The following TUSC3 variants were observed in gnomAD, a reference collection of about 807,000 sequenced individuals.
TUSC3 encodes the protein tumor suppressor candidate 3.
In TUSC3, 45 loss-of-function variants were observed where a neutral mutation model predicts 44.8. That is an observed-to-expected ratio of 1.00 (90% confidence interval 0.79 to 1.29). TUSC3 has a LOEUF of 1.29. Among genes scored for constraint, TUSC3 ranks in the 50% most tolerant of loss-of-function variants. The pLI, the probability that TUSC3 is intolerant of heterozygous loss-of-function variation, is 0.00. For synonymous variants in TUSC3, 212 were observed against 152.9 expected (o/e 1.39, Z -2.85); for missense variants, 519 against 437.9 (o/e 1.19, Z -1.65).
chr8:15,534,205 C>T (rs1585078827), intron 2 of TUSC3, among the ~76,000 whole-genome samples: 1 of 152,002 alleles, frequency 6.6e-6, no homozygotes, highest in Non-Finnish European at 1.5e-5. Context: ...ATGAAAAGAT[C>T]TTAGTTGCAA....
the TUSC3 span, among the ~76,000 whole-genome samples, chr8:15,823,522 T>C: frequency 6.6e-6 from 1 of 152,188 alleles, no homozygotes; most frequent in Non-Finnish European, 1.5e-5. Flanking sequence ...GTCTTATTTA[T>C]TCATTATTGT....
intron 9 of TUSC3, among the ~76,000 whole-genome samples, chr8:15,754,738 T>C (rs1366794973): frequency 1.3e-5 from 2 of 152,108 alleles, no homozygotes; most frequent in East Asian, 3.9e-4. Context: ...TATACAGGAC[T>C]GTATCCATAA....
At chr8:15,745,800 T>C in intron 8 of TUSC3, among the ~76,000 whole-genome samples, 1 of 152,044 alleles carries the variant, frequency 6.6e-6, no homozygotes, top group Non-Finnish European at 1.5e-5. Context: ...TCAGTCCCAC[T>C]TGCCAGTTTT....
At chr8:15,664,295 T>A (rs1191304210) in intron 5 of TUSC3, among the ~76,000 whole-genome samples, 1 of 151,652 alleles carries the variant, frequency 6.6e-6, no homozygotes, top group Non-Finnish European at 1.5e-5. Flanking sequence ...GACATGTGTC[T>A]TATATGTTGG....
intron 1 of TUSC3, among the ~76,000 whole-genome samples, chr8:15,462,548 A>AT (rs1362455682): frequency 6.6e-6 from 1 of 152,032 alleles, no homozygotes; most frequent in African/African-American, 2.4e-5. Flanking sequence ...TATTAAATTC[A>AT]TTTTCAGAAT....
chr8:15,437,572 A>G (rs1274642633), intron 1 of TUSC3, among the ~76,000 whole-genome samples: 1 of 152,228 alleles, frequency 6.6e-6, no homozygotes, highest in African/African-American at 2.4e-5. Flanking sequence ...AAGAAACTGT[A>G]GTGCAGATGA....
chr8:15,768,973 T>C (rs928169613), downstream of TUSC3, among the ~76,000 whole-genome samples: 5 of 152,092 alleles, frequency 3.3e-5, no homozygotes, highest in African/African-American at 1.2e-4. Context: ...ATAGGACAGA[T>C]GAATATCGTG....
chr8:15,730,752 A>G, intron 7 of TUSC3, 23 bp downstream of exon 7: 2 of 1,610,030 alleles, frequency 1.2e-6, no homozygotes, highest in Non-Finnish European at 1.7e-6. Flanking sequence ...GATACCGACG[A>G]ATTGAAAAGG....
intron 1 of TUSC3, among the ~76,000 whole-genome samples, chr8:15,565,506 G>T (rs13261729): frequency 1.3e-5 from 2 of 152,012 alleles, no homozygotes; most frequent in African/African-American, 4.8e-5. Flanking sequence ...TGCAGACCAA[G>T]ATAGTTGGTG....
chr8:15,577,423 C>T (rs1309154504), intron 1 of TUSC3, among the ~76,000 whole-genome samples: 1 of 151,718 alleles, frequency 6.6e-6, no homozygotes, highest in Non-Finnish European at 1.5e-5. Context: ...CCTAGGTTTT[C>T]TTCTAGGGTT....
At chr8:15,513,818 CAG>C (rs1422129551) in intron 2 of TUSC3, among the ~76,000 whole-genome samples, 1 of 152,160 alleles carries the variant, frequency 6.6e-6, no homozygotes, top group Non-Finnish European at 1.5e-5. Context: ...TATATCTCAC[CAG>C]AGTCAATGAG....
At chr8:15,811,874 T>A in the TUSC3 span, among the ~76,000 whole-genome samples, 1 of 151,876 alleles carries the variant, frequency 6.6e-6, no homozygotes, top group African/African-American at 2.4e-5. Flanking sequence ...CCGAGCCAGT[T>A]CTCCAGGCAC....
At chr8:15,781,481 G>C in the TUSC3 span, among the ~76,000 whole-genome samples, 2 of 152,104 alleles carry the variant, frequency 1.3e-5, no homozygotes, top group African/African-American at 4.8e-5. Flanking sequence ...AAGGCAGCAA[G>C]GGAAAAGCAA....
At chr8:15,819,885 G>T in the TUSC3 span, among the ~76,000 whole-genome samples, 63 of 152,180 alleles carry the variant, frequency 4.1e-4, no homozygotes, top group African/African-American at 1.3e-3. Flanking sequence ...TTGTCCTATT[G>T]TTTTTTCATT....
chr8:15,573,023 T>C (rs1206352159), intron 1 of TUSC3, among the ~76,000 whole-genome samples: 1 of 151,768 alleles, frequency 6.6e-6, no homozygotes, highest in Non-Finnish European at 1.5e-5. Flanking sequence ...GTGGGAAAAA[T>C]GACACCCATA....
chr8:15,428,285 C>A (rs1245936076), intron 1 of TUSC3, among the ~76,000 whole-genome samples: 1 of 151,998 alleles, frequency 6.6e-6, no homozygotes, highest in African/African-American at 2.4e-5. Flanking sequence ...GATGTCCCTA[C>A]AAAGGACATG....
the TUSC3 span, among the ~76,000 whole-genome samples, chr8:15,774,026 C>G: frequency 1.3e-5 from 2 of 151,996 alleles, no homozygotes; most frequent in African/African-American, 4.8e-5. Context: ...GCACAAGCAA[C>G]AAAATAAAAA....
chr8:15,802,811 A>C, the TUSC3 span, among the ~76,000 whole-genome samples: 1 of 152,178 alleles, frequency 6.6e-6, no homozygotes, highest in African/African-American at 2.4e-5. Context: ...CATTTGTGTA[A>C]TCAAGTACCC....
intron 1 of TUSC3, among the ~76,000 whole-genome samples, chr8:15,581,726 T>G (rs1803353751): frequency 7.5e-6 from 1 of 133,358 alleles, no homozygotes; most frequent in Admixed American, 7.5e-5. Flanking sequence ...TTCAAAGCTG[T>G]CAGACAGGGA....
Sources: gnomAD v4.1 joint callset for allele counts (sites outside exome capture counted in the v4.1 genomes callset) on GRCh38, gnomAD v4.1.1 for gene constraint, MANE v1.5 for transcripts, NCBI Gene and HGNC (gene_info 2026-07-23, HGNC 2026-07-21) for gene names.